SLC13A1: variants seen among roughly 807,000 people sequenced by gnomAD.
SLC13A1 encodes the protein solute carrier family 13 member 1.
In SLC13A1, 65 loss-of-function variants were observed where a neutral mutation model predicts 70.0. The ratio of observed to expected loss-of-function variants is 0.93; its 90% CI spans 0.76 to 1.14. The LOEUF (loss-of-function observed/expected upper bound fraction) is 1.14. SLC13A1 is among the 50% of genes most tolerant of loss of function. The pLI is 0.00. For synonymous variants in SLC13A1, 275 were observed against 250.5 expected (o/e 1.10, Z -0.92); for missense variants, 726 against 717.8 (o/e 1.01, Z -0.13).
At position 123,145,338 on chromosome 7, in the gene SLC13A1, G is replaced by A. The variant is rs181011186; in HGVS notation, c.812+1821C>T. Among the ~76,000 whole-genome samples, 663 of 152,234 alleles carry A rather than the reference G, an allele frequency of 4.4e-3. 19 individuals are homozygous for A. The highest frequency in any genetic ancestry group is 5.1e-4 in the Non-Finnish European group (35 of 68,018). On this transcript the variant is annotated intron_variant, in intron 7 of 14. Transcript: ENST00000194130. ...TTGAGGTCTAAGTCCAAACTCTGCCGTGTCAAAATTTCTTCCATAGTATTT... is the reference window on the plus strand; with the variant it reads ...TTGAGGTCTAAGTCCAAACTCTGCCATGTCAAAATTTCTTCCATAGTATTT...
Position 123,115,427 on chromosome 7 carries a change from G to A in SLC13A1, c.*91C>T. On this transcript the variant is annotated 3_prime_UTR_variant, in exon 15 of 15. Transcript: ENST00000194130. ...CAGCTACACCATAACTGATTTAAATGTGTGTCATTAGTTATTTAGAGCCAC... is the reference window on the plus strand; with the variant it reads ...CAGCTACACCATAACTGATTTAAATATGTGTCATTAGTTATTTAGAGCCAC... The A allele has an allele frequency of 7.7e-7, 1 of 1,294,922 alleles. No homozygotes were observed. Among genetic ancestry groups the A allele is most frequent in the Non-Finnish European group, 1.1e-6 (1 of 917,804 alleles). The allele number at this position is 1,294,922 out of a possible 1,614,324, so 80.2% of individuals were successfully genotyped here.
At chr7:123,129,204 A>C (rs1279473061) in intron 9 of SLC13A1, among the ~76,000 whole-genome samples, 179 bp downstream of exon 9, 2 of 152,074 alleles carry the variant, frequency 1.3e-5, no homozygotes, top group East Asian at 3.9e-4. Flanking sequence ...TATAGTCTAT[A>C]ATCTCCATAG....
chr7:123,168,577 T>G lies in SLC13A1; in HGVS notation c.554-16A>C, dbSNP rs1156948128. 1.3e-6 allele frequency: 2 copies of G among 1,580,576 alleles called. No homozygotes were observed. The highest frequency in any genetic ancestry group is 3.4e-5 in the Admixed American group (2 of 59,510). ...TTAACACTTTCTGCAAAACATTAAATAAAAGAAAAACAATTTAAATAAGGG... is the reference window on the plus strand; with the variant it reads ...TTAACACTTTCTGCAAAACATTAAAGAAAAGAAAAACAATTTAAATAAGGG... On this transcript the variant is annotated splice_polypyrimidine_tract_variant and intron_variant, in intron 4 of 14. Coordinates refer to ENST00000194130, the MANE Select transcript of SLC13A1 (RefSeq NM_022444.4).
chr7:123,167,309 C>G (rs1343903), intron 6 of SLC13A1, among the ~76,000 whole-genome samples: 1 of 152,008 alleles, frequency 6.6e-6, no homozygotes, highest in African/African-American at 2.4e-5. Flanking sequence ...ATTTCTATCT[C>G]TAAAGATAAT....
At chr7:123,188,732 A>C (rs1795898402) in intron 1 of SLC13A1, among the ~76,000 whole-genome samples, 1 of 152,068 alleles carries the variant, frequency 6.6e-6, no homozygotes, top group South Asian at 2.1e-4. Context: ...AATTAGCTTT[A>C]TTGTATTTTT....
intron 1 of SLC13A1, among the ~76,000 whole-genome samples, chr7:123,195,095 C>A (rs1017081807): frequency 9.2e-5 from 14 of 152,122 alleles, no homozygotes; most frequent in African/African-American, 2.7e-4. Context: ...CTGCTTATAT[C>A]ACACAATTCA....
chr7:123,137,524 C>A (rs926253380), intron 7 of SLC13A1, among the ~76,000 whole-genome samples: 1 of 152,136 alleles, frequency 6.6e-6, no homozygotes, highest in Non-Finnish European at 1.5e-5. Flanking sequence ...GGCCCTGTAG[C>A]AAGGGCCTGA....
chr7:123,185,254 T>C (rs1307261405), intron 1 of SLC13A1, among the ~76,000 whole-genome samples: 2 of 152,154 alleles, frequency 1.3e-5, no homozygotes, highest in Non-Finnish European at 2.9e-5. Flanking sequence ...ACTTTTGATT[T>C]TGTTTGCAGT....
chr7:123,179,540 T>C (rs770068566), intron 2 of SLC13A1, among the ~76,000 whole-genome samples: 7 of 152,144 alleles, frequency 4.6e-5, no homozygotes, highest in Non-Finnish European at 8.8e-5. Context: ...AAAACTGCCA[T>C]TGGCACCTAC....
At chr7:123,122,108 A>G (rs10281118) in intron 12 of SLC13A1, among the ~76,000 whole-genome samples, 44,349 of 151,974 alleles carry the variant, frequency 0.29, 6,528 homozygotes, top group East Asian at 0.31. Flanking sequence ...GGTCTGGCTG[A>G]TGCTTTCAAA....
chr7:123,156,489 G>A (rs1794721010), intron 6 of SLC13A1, among the ~76,000 whole-genome samples: 1 of 152,104 alleles, frequency 6.6e-6, no homozygotes, highest in African/African-American at 2.4e-5. Context: ...AAGGGAACAG[G>A]AGAGTGGAAG....
intron 6 of SLC13A1, among the ~76,000 whole-genome samples, chr7:123,158,163 A>C (rs1794774734): frequency 6.6e-6 from 1 of 152,066 alleles, no homozygotes; most frequent in Non-Finnish European, 1.5e-5. Context: ...CAATAAATAA[A>C]TAAAAACTAA....
intron 6 of SLC13A1, among the ~76,000 whole-genome samples, chr7:123,151,196 C>A (rs1007689838): frequency 6.6e-6 from 1 of 151,916 alleles, no homozygotes; most frequent in African/African-American, 2.4e-5. Flanking sequence ...TGGTTGCAGG[C>A]ACCTGTAATC....
intron 3 of SLC13A1, 130 bp from the exon 4 acceptor site, chr7:123,169,465 A>C (rs1795191749): frequency 5.0e-6 from 4 of 807,024 alleles, no homozygotes; most frequent in Non-Finnish European, 7.7e-6. Flanking sequence ...TGGAAGGTTA[A>C]GATTCTGCCC....
chr7:123,162,499 A>T (rs1794949223), intron 6 of SLC13A1, among the ~76,000 whole-genome samples: 1 of 152,134 alleles, frequency 6.6e-6, no homozygotes, highest in Non-Finnish European at 1.5e-5. Flanking sequence ...CATGAATAAA[A>T]GGAAACCCTA....
At chr7:123,134,567 G>C in intron 7 of SLC13A1, 38 bp from the exon 8 acceptor site, 2 of 1,596,450 alleles carry the variant, frequency 1.3e-6, no homozygotes, top group Non-Finnish European at 1.7e-6. Flanking sequence ...GGGATGGAGA[G>C]ACAGGTGGAA....
intron 2 of SLC13A1, among the ~76,000 whole-genome samples, chr7:123,176,842 C>T (rs999193845): frequency 2.6e-5 from 4 of 152,100 alleles, no homozygotes; most frequent in African/African-American, 9.7e-5. Context: ...AGTGCTTTCT[C>T]TTCTCATTTG....
chr7:123,169,614 C>T lies in SLC13A1; in HGVS notation c.366-279G>A, dbSNP rs558151954. On this transcript the variant is annotated intron_variant, in intron 3 of 14. Transcript: ENST00000194130. Reference sequence around the variant, plus strand: ...AAACAGAAAAATGATTAAAACTAAACGAACTGCAAGTTGGTTATATGACAT... The same window carrying T: ...AAACAGAAAAATGATTAAAACTAAATGAACTGCAAGTTGGTTATATGACAT... Among the ~76,000 whole-genome samples, 50 of 151,926 alleles carry T rather than the reference C, an allele frequency of 3.3e-4. No homozygotes were observed. The East Asian group carries it at 6.6e-3, about 20-fold the overall frequency.
chr7:123,192,630 T>C (rs1362367948), intron 1 of SLC13A1, among the ~76,000 whole-genome samples: 1 of 152,058 alleles, frequency 6.6e-6, no homozygotes, highest in Non-Finnish European at 1.5e-5. Context: ...TCACTACAAT[T>C]GATTTTCTAA....
Sources: allele counts gnomAD v4.1 joint callset (sites outside exome capture counted in the v4.1 genomes callset), GRCh38; gene constraint gnomAD v4.1.1; transcripts MANE v1.5; gene names NCBI Gene and HGNC (gene_info 2026-07-23, HGNC 2026-07-21).